Variants in DEFB110 observed in about 807,000 individuals in gnomAD.
DEFB110 encodes the protein defensin beta 110.
A neutral mutation model predicts 2.5 loss-of-function variants in DEFB110; 4 were observed. The observed-to-expected ratio is 1.60, with a 90% CI of 0.79 to 3.66. DEFB110 has a LOEUF of 3.66. DEFB110 is among the 30% of genes most tolerant of loss of function. The probability of loss-of-function intolerance (pLI) is 0.01; values close to 1 mark genes in which losing one functional copy is unlikely to be tolerated. For missense variants in DEFB110, 94 were observed against 75.4 expected (o/e 1.25, Z -0.91); for synonymous variants, 29 against 21.8 (o/e 1.33, Z -0.92).
chr6:50,017,598 T>C (rs1004375003), downstream of DEFB110, among the ~76,000 whole-genome samples: 2 of 151,818 alleles, frequency 1.3e-5, no homozygotes, highest in Admixed American at 6.6e-5. Flanking sequence ...AGTGTCAAGG[T>C]TGAGAAACCC....
rs1229194553 is a variant in DEFB110, at chr6:50,021,867, T to C, written c.55+14A>G. The C allele has an allele frequency of 6.4e-7, 1 of 1,557,226 alleles. No individual in the cohort carries two copies. The highest frequency in any genetic ancestry group is 1.4e-5 in the African/African-American group (1 of 70,996). On this transcript the variant is annotated intron_variant, in intron 1 of 1. Transcript: ENST00000371148. Reference sequence around the variant, plus strand: ...ATTTGTTAGTATAAATCCCCACAAATATTTGCATATTACCTGGTAAAATTG... The same window carrying C: ...ATTTGTTAGTATAAATCCCCACAAACATTTGCATATTACCTGGTAAAATTG...
chr6:50,020,824 T>C (rs1174767960), intron 1 of DEFB110, among the ~76,000 whole-genome samples: 1 of 152,176 alleles, frequency 6.6e-6, no homozygotes, highest in Non-Finnish European at 1.5e-5. Flanking sequence ...TATTCACTTC[T>C]AAAGATCATT....
intron 1 of DEFB110, among the ~76,000 whole-genome samples, chr6:50,011,600 G>A (rs1385464169): frequency 6.6e-6 from 1 of 152,042 alleles, no homozygotes; most frequent in Admixed American, 6.6e-5. Context: ...AAGCGCAGTG[G>A]TCTCCATGAC....
chr6:50,009,560 G>T (rs564195056), intron 1 of DEFB110, among the ~76,000 whole-genome samples: 1 of 152,152 alleles, frequency 6.6e-6, no homozygotes, highest in Non-Finnish European at 1.5e-5. Context: ...CACACAATTT[G>T]GTACTTAATT....
At chr6:50,019,242 G>A in intron 1 of DEFB110, 117 bp from the exon 2 acceptor site, 1 of 1,105,066 alleles carries the variant, frequency 9.0e-7, no homozygotes, top group Non-Finnish European at 1.3e-6. Flanking sequence ...CCTACCTATG[G>A]AGGAAAGTTT....
At chr6:50,018,264 T>C (rs1774352334), downstream of DEFB110, among the ~76,000 whole-genome samples, 1 of 151,956 alleles carries the variant, frequency 6.6e-6, no homozygotes, top group East Asian at 1.9e-4. Flanking sequence ...CAGGACTGAA[T>C]AGCTGCATTA....
At chr6:50,011,143 T>C (rs1260969892) in intron 1 of DEFB110, among the ~76,000 whole-genome samples, 1 of 151,488 alleles carries the variant, frequency 6.6e-6, no homozygotes, top group Non-Finnish European at 1.5e-5. Flanking sequence ...TGTATTGTTA[T>C]GAAAATTGAT....
chr6:50,014,285 G>A (rs1237417401), downstream of DEFB110, among the ~76,000 whole-genome samples: 1 of 151,810 alleles, frequency 6.6e-6, no homozygotes, highest in African/African-American at 2.4e-5. Context: ...TGGTGTGAGT[G>A]AATTTATGGT....
downstream of DEFB110, among the ~76,000 whole-genome samples, chr6:50,016,959 GT>G (rs1191469555): frequency 2.0e-5 from 3 of 151,550 alleles, no homozygotes; most frequent in East Asian, 3.9e-4. Context: ...CGCCTCACAT[GT>G]TTTTTAGAAA....
chr6:50,014,997 C>G (rs1350775207), downstream of DEFB110, among the ~76,000 whole-genome samples: 1 of 151,838 alleles, frequency 6.6e-6, no homozygotes, highest in Non-Finnish European at 1.5e-5. Context: ...ATGACAAACT[C>G]TACATGTCCA....
At chr6:50,012,512 C>A (rs1774244959) in intron 1 of DEFB110, among the ~76,000 whole-genome samples, 1 of 151,794 alleles carries the variant, frequency 6.6e-6, no homozygotes, top group African/African-American at 2.4e-5. Flanking sequence ...GTGACTTAGG[C>A]CCTATATTTG....
intron 1 of DEFB110, among the ~76,000 whole-genome samples, chr6:50,021,111 A>G (rs781406953): frequency 6.6e-6 from 1 of 152,112 alleles, no homozygotes; most frequent in Admixed American, 6.6e-5. Context: ...GCAAGCATTC[A>G]TCTCCTCATT....
At chr6:50,021,793 C>G in intron 1 of DEFB110, 88 bp downstream of exon 1, 7 of 1,240,232 alleles carry the variant, frequency 5.6e-6, no homozygotes, top group Non-Finnish European at 7.8e-6. Context: ...GTTTTAATCC[C>G]TATGTTATTA....
Position 50,021,903 on chromosome 6 carries a change from G to A in DEFB110, c.33C>T (p.His11=), listed in dbSNP as rs1020427437. MKIQLFFFIL[H]FWVTILPAKK... is the part of the protein sequence containing the mutation. ...TACCTGGTAAAATTGTGACCCAAAA[G>A]TGCAGAATAAAGAAAAAAAGTTGAA... is the stretch of plus-strand genomic sequence containing the variant. The change falls in exon 1 of 2, where the codon CAC becomes CAT. Residue 11 remains histidine (H), a synonymous_variant. Transcript: ENST00000371148. The A allele has an allele frequency of 7.1e-6, 11 of 1,556,478 alleles. No homozygotes were observed. Among genetic ancestry groups the A allele is most frequent in the Middle Eastern group, 1.7e-4 (1 of 5,936 alleles).
At chr6:50,019,834 A>C (rs1774389310) in intron 1 of DEFB110, among the ~76,000 whole-genome samples, 1 of 152,074 alleles carries the variant, frequency 6.6e-6, no homozygotes, top group African/African-American at 2.4e-5. Flanking sequence ...TTGACTAGGA[A>C]TCAATAAACT....
downstream of DEFB110, among the ~76,000 whole-genome samples, chr6:50,015,374 C>A (rs1014126738): frequency 5.3e-5 from 8 of 151,724 alleles, no homozygotes; most frequent in African/African-American, 1.9e-4. Context: ...AAGTCAAGAT[C>A]TTTTCTAGCT....
chr6:50,019,221 G>T, intron 1 of DEFB110, 96 bp from the exon 2 acceptor site: 3 of 1,305,014 alleles, frequency 2.3e-6, no homozygotes, highest in Non-Finnish European at 3.2e-6. Context: ...ATTATAGAGT[G>T]AAAATGTCCA....
chr6:50,019,216 A>G (rs1774374984), intron 1 of DEFB110, 91 bp from the exon 2 acceptor site: 3 of 1,388,726 alleles, frequency 2.2e-6, no homozygotes. Flanking sequence ...AAAAGATTAT[A>G]GAGTGAAAAT....
At chr6:50,021,395 G>A (rs868351742) in intron 1 of DEFB110, among the ~76,000 whole-genome samples, 3 of 152,282 alleles carry the variant, frequency 2.0e-5, no homozygotes, top group South Asian at 2.1e-4. Flanking sequence ...CACTGGTCTA[G>A]TGATACTTCG....
Sources: gnomAD v4.1 joint callset for allele counts (sites outside exome capture counted in the v4.1 genomes callset) on GRCh38, gnomAD v4.1.1 for gene constraint, MANE v1.5 for transcripts, NCBI Gene and HGNC (gene_info 2026-07-23, HGNC 2026-07-21) for gene names.